AGBL1: variants seen among roughly 807,000 people sequenced by gnomAD.
AGBL1 encodes the protein cytosolic carboxypeptidase 4.
In AGBL1, 130 loss-of-function variants were observed where a neutral mutation model predicts 118.9. That is an observed-to-expected ratio of 1.09 (90% confidence interval 0.95 to 1.26). The LOEUF (loss-of-function observed/expected upper bound fraction) is 1.26. Among genes scored for constraint, AGBL1 ranks in the 50% most tolerant of loss-of-function variants. The pLI is 0.00. For synonymous variants in AGBL1, 555 were observed against 478.9 expected, an observed-to-expected ratio of 1.16 and a Z score of -2.08; for missense variants, 1,584 against 1,298.1, an observed-to-expected ratio of 1.22 and a Z score of -3.38.
At chr15:86,848,292 T>C (rs1181571571) in intron 22 of AGBL1, among the ~76,000 whole-genome samples, 1 of 152,210 alleles carries the variant, frequency 6.6e-6, no homozygotes, top group African/African-American at 2.4e-5. Flanking sequence ...TTTTTAGTTT[T>C]TACTTTTTTC....
intron 21 of AGBL1, among the ~76,000 whole-genome samples, chr15:86,562,748 A>T (rs558251620): frequency 2.3e-4 from 35 of 152,310 alleles, no homozygotes; most frequent in African/African-American, 8.4e-4. Flanking sequence ...CTCTGGTAGA[A>T]TTTGGCTGTG....
chr15:86,193,833 C>G (rs144482521), intron 5 of AGBL1, among the ~76,000 whole-genome samples: 1 of 152,196 alleles, frequency 6.6e-6, no homozygotes, highest in Non-Finnish European at 1.5e-5. Flanking sequence ...TAACCAACCT[C>G]TTGTCATAAA....
chr15:86,472,621 C>T (rs1279201574), intron 18 of AGBL1, among the ~76,000 whole-genome samples: 1 of 151,990 alleles, frequency 6.6e-6, no homozygotes, highest in East Asian at 1.9e-4. Context: ...AAAATATAGG[C>T]AAAAATAATA....
chr15:86,425,307 C>G (rs1404759126), intron 18 of AGBL1, among the ~76,000 whole-genome samples: 3 of 151,902 alleles, frequency 2.0e-5, no homozygotes, highest in African/African-American at 7.3e-5. Context: ...CCAAACACCA[C>G]ATGTTCTCAC....
intron 21 of AGBL1, among the ~76,000 whole-genome samples, chr15:86,590,817 G>T (rs184031900): frequency 1.3e-5 from 2 of 152,312 alleles, no homozygotes; most frequent in East Asian, 3.9e-4. Flanking sequence ...ACTTTTATTT[G>T]CTGGCTCTCT....
chr15:86,378,225 C>T (rs1259647440), intron 17 of AGBL1, among the ~76,000 whole-genome samples: 10 of 152,158 alleles, frequency 6.6e-5, no homozygotes, highest in Admixed American at 6.5e-4. Context: ...CTGGAGTTAC[C>T]TTAATGTGCT....
chr15:86,709,207 C>T (rs1353394775), intron 22 of AGBL1, among the ~76,000 whole-genome samples: 1 of 152,122 alleles, frequency 6.6e-6, no homozygotes, highest in Non-Finnish European at 1.5e-5. Flanking sequence ...AATCCAGGCA[C>T]TTGTATAAAA....
intron 22 of AGBL1, among the ~76,000 whole-genome samples, chr15:86,855,532 C>A (rs1317676576): frequency 6.6e-6 from 1 of 152,158 alleles, no homozygotes; most frequent in Non-Finnish European, 1.5e-5. Flanking sequence ...GGTGCTTCCT[C>A]CTCCTATCAG....
intron 21 of AGBL1, among the ~76,000 whole-genome samples, chr15:86,627,639 A>G (rs1157872899): frequency 1.3e-5 from 2 of 152,218 alleles, no homozygotes; most frequent in Admixed American, 1.3e-4. Flanking sequence ...AAAGAAGTAT[A>G]CAAATGGAAC....
At chr15:87,029,627 G>A (rs1423017668), downstream of AGBL1, among the ~76,000 whole-genome samples, 1 of 151,884 alleles carries the variant, frequency 6.6e-6, no homozygotes, top group African/African-American at 2.4e-5. Context: ...ATTTTATAAT[G>A]AGGAAACTAA....
At chr15:86,442,639 T>G (rs1596120874) in intron 18 of AGBL1, among the ~76,000 whole-genome samples, 1 of 152,264 alleles carries the variant, frequency 6.6e-6, no homozygotes, top group South Asian at 2.1e-4. Flanking sequence ...ATGAATTAAC[T>G]TTGGGAAAGA....
chr15:86,419,778 G>C (rs2081760993), intron 18 of AGBL1, among the ~76,000 whole-genome samples: 1 of 152,140 alleles, frequency 6.6e-6, no homozygotes, highest in Non-Finnish European at 1.5e-5. Flanking sequence ...CTTTGTTGGG[G>C]GAGGGGTGTC....
chr15:86,477,106 C>G (rs1207182638), intron 18 of AGBL1, among the ~76,000 whole-genome samples: 6 of 152,118 alleles, frequency 3.9e-5, no homozygotes, highest in Non-Finnish European at 8.8e-5. Context: ...ATTTATAGCA[C>G]TCAATGCCCA....
At chr15:86,973,915 T>C (rs987038712) in intron 23 of AGBL1, among the ~76,000 whole-genome samples, 15 of 144,536 alleles carry the variant, frequency 1.0e-4, no homozygotes, top group Non-Finnish European at 2.1e-4. Flanking sequence ...AATATAAACA[T>C]ATTTAATATA....
chr15:86,758,966 C>CAAAA (rs80297816), intron 22 of AGBL1, among the ~76,000 whole-genome samples: 2 of 80,890 alleles, frequency 2.5e-5, no homozygotes, highest in Non-Finnish European at 5.1e-5. Context: ...GACACCCTGT[C>CAAAA]AAAAAAAAAA....
At chr15:86,599,354 A>G (rs1006714868) in intron 21 of AGBL1, among the ~76,000 whole-genome samples, 1 of 152,074 alleles carries the variant, frequency 6.6e-6, no homozygotes, top group Non-Finnish European at 1.5e-5. Context: ...TAGCTGCCAT[A>G]AAGCCCAGGG....
chr15:86,730,242 AAAAC>A (rs1164031289), intron 22 of AGBL1, among the ~76,000 whole-genome samples: 1 of 152,200 alleles, frequency 6.6e-6, no homozygotes, highest in East Asian at 1.9e-4. Context: ...AATTGCAACA[AAAAC>A]AAAAATTGAC....
chr15:86,784,190 C>A (rs60121249), intron 22 of AGBL1, among the ~76,000 whole-genome samples: 2 of 152,106 alleles, frequency 1.3e-5, no homozygotes, highest in Non-Finnish European at 2.9e-5. Flanking sequence ...AGAGCTGGCA[C>A]ATCATAAGCT....
chr15:86,636,701 TCA>T (rs2085092521), intron 21 of AGBL1, among the ~76,000 whole-genome samples: 1 of 39,208 alleles, frequency 2.6e-5, no homozygotes, highest in African/African-American at 7.5e-5. Context: ...GAACCACCAG[TCA>T]TATATATATA....
Sources: gnomAD v4.1 joint callset for allele counts (sites outside exome capture counted in the v4.1 genomes callset) on GRCh38, gnomAD v4.1.1 for gene constraint, MANE v1.5 for transcripts, NCBI Gene and HGNC (gene_info 2026-07-23, HGNC 2026-07-21) for gene names.